Variants in RPS6KA3 observed in about 807,000 individuals in gnomAD.
The protein encoded by RPS6KA3 is ribosomal protein S6 kinase alpha-3.
A neutral mutation model predicts 67.2 loss-of-function variants in RPS6KA3; 4 were observed. The ratio of observed to expected loss-of-function variants is 0.06; its 90% CI spans 0.03 to 0.14. The LOEUF is 0.14. Among genes scored for constraint, RPS6KA3 ranks in the 10% least tolerant of loss-of-function variants. The pLI, the probability that RPS6KA3 is intolerant of heterozygous loss-of-function variation, is 1.00. For synonymous variants in RPS6KA3, 182 were observed against 183.7 expected, an observed-to-expected ratio of 0.99 and a Z score of 0.07; for missense variants, 204 against 559.0, an observed-to-expected ratio of 0.36 and a Z score of 6.40.
At chrX:20,155,913 A>G (rs1272622823) in intron 21 of RPS6KA3, among the ~76,000 whole-genome samples, 196 bp downstream of exon 21, 1 of 112,523 alleles carries the variant, frequency 8.9e-6, no homozygotes. Context: ...AGAGGAATTC[A>G]AAAGTCGCTC....
At chrX:20,173,941 T>C (rs1264733442) in intron 14 of RPS6KA3, among the ~76,000 whole-genome samples, 1 of 112,623 alleles carries the variant, frequency 8.9e-6, no homozygotes, top group East Asian at 2.8e-4. Flanking sequence ...AGATTTGAGT[T>C]CATTTTTATT....
chrX:20,221,762 G>T (rs1330006726), intron 2 of RPS6KA3, among the ~76,000 whole-genome samples: 1 of 112,101 alleles, frequency 8.9e-6, no homozygotes, highest in Non-Finnish European at 1.9e-5. Flanking sequence ...CCTATTGTTG[G>T]GTCTTTGCTC....
chrX:20,235,372 A>G (rs1169089339), intron 1 of RPS6KA3: 2 of 111,323 alleles, frequency 1.8e-5, no homozygotes, highest in Non-Finnish European at 3.8e-5. Flanking sequence ...TGAATCTATA[A>G]AAGTTTAAAA....
intron 1 of RPS6KA3, among the ~76,000 whole-genome samples, chrX:20,264,099 C>G (rs770452963): frequency 8.9e-6 from 1 of 112,189 alleles, no homozygotes; most frequent in South Asian, 3.6e-4. Context: ...TTCAATATTT[C>G]CAAATTGTAT....
chrX:20,153,285 C>G lies in RPS6KA3; in HGVS notation c.*2113G>C, dbSNP rs1340982316. ...CAGCTTTTAATAGCATCCATATATTCAAGAATTTGAAAATACTTTCTCTAT... is the reference window on the plus strand; with the variant it reads ...CAGCTTTTAATAGCATCCATATATTGAAGAATTTGAAAATACTTTCTCTAT... On this transcript the variant is annotated 3_prime_UTR_variant, in exon 22 of 22. Transcript: ENST00000379565. The G allele has an allele frequency of 8.9e-6, 1 of 111,965 alleles. No homozygotes were observed. The highest frequency in any genetic ancestry group is 3.2e-5 in the African/African-American group (1 of 30,826). 9.2% of individuals were successfully genotyped at this position (111,965 alleles called of 1,213,427 possible). A position where few individuals can be genotyped will look rare whatever the true frequency, so the allele number is the denominator to read the frequency against.
intron 2 of RPS6KA3, among the ~76,000 whole-genome samples, chrX:20,213,390 C>G (rs1443642357): frequency 1.9e-4 from 21 of 111,193 alleles, no homozygotes; most frequent in African/African-American, 5.2e-4. Flanking sequence ...ACATTATGCC[C>G]CTTCACTTCA....
intron 2 of RPS6KA3, among the ~76,000 whole-genome samples, chrX:20,233,505 G>A (rs984580810): frequency 9.0e-6 from 1 of 111,236 alleles, no homozygotes; most frequent in Non-Finnish European, 1.9e-5. Flanking sequence ...TTGGGAGGAT[G>A]AGGCAGGAGG....
At chrX:20,205,930 G>A (rs1041752541) in intron 3 of RPS6KA3, among the ~76,000 whole-genome samples, 1 of 112,279 alleles carries the variant, frequency 8.9e-6, no homozygotes, top group Non-Finnish European at 1.9e-5. Flanking sequence ...TGTCAATTTT[G>A]GGAGGCAGAC....
intron 2 of RPS6KA3, among the ~76,000 whole-genome samples, chrX:20,228,011 T>C (rs1366292946): frequency 8.9e-6 from 1 of 111,964 alleles, no homozygotes; most frequent in East Asian, 2.8e-4. Flanking sequence ...TTTTAGTTTG[T>C]AAATGTTCTA....
chrX:20,261,828 C>T (rs958889659), intron 1 of RPS6KA3, among the ~76,000 whole-genome samples: 1 of 111,916 alleles, frequency 8.9e-6, no homozygotes, highest in African/African-American at 3.2e-5. Flanking sequence ...CTGATATCTC[C>T]AGGTTAATGA....
At chrX:20,230,887 A>G (rs1461386378) in intron 2 of RPS6KA3, among the ~76,000 whole-genome samples, 1 of 112,122 alleles carries the variant, frequency 8.9e-6, no homozygotes, top group Non-Finnish European at 1.9e-5. Context: ...CACTTATGAC[A>G]TAACAAAGAC....
chrX:20,209,182 G>A, intron 3 of RPS6KA3, 106 bp downstream of exon 3: 1 of 540,689 alleles, frequency 1.8e-6, no homozygotes, highest in Middle Eastern at 5.3e-4. Flanking sequence ...AAACATTGCT[G>A]GTAGGAAGAC....
rs780459666 is a variant in RPS6KA3, at chrX:20,226,133, T to C, written c.126+8625A>G. 1.2e-4 allele frequency among the ~76,000 whole-genome samples: 13 copies of C among 111,697 alleles called. 2 individuals are homozygous for C. The East Asian group carries it at 3.7e-3, about 32-fold the overall frequency. Reference sequence around the variant, plus strand: ...GGAGGCGGAGGTTGCAGTGAGCCACTGCACTCCAGCCTGGGTGACAGAGTG... The same window carrying C: ...GGAGGCGGAGGTTGCAGTGAGCCACCGCACTCCAGCCTGGGTGACAGAGTG... On this transcript the variant is annotated intron_variant, in intron 2 of 21. Transcript: ENST00000379565.
At chrX:20,229,488 T>C (rs1201297264) in intron 2 of RPS6KA3, among the ~76,000 whole-genome samples, 1 of 111,707 alleles carries the variant, frequency 9.0e-6, no homozygotes, top group African/African-American at 3.3e-5. Flanking sequence ...AGAGAGCCTC[T>C]GAACCAAAAG....
chrX:20,191,424 T>G (rs2068124405), intron 7 of RPS6KA3, among the ~76,000 whole-genome samples: 1 of 111,810 alleles, frequency 8.9e-6, no homozygotes, highest in Non-Finnish European at 1.9e-5. Context: ...TTTCTGGTTC[T>G]AGATCCTTGA....
At chrX:20,247,765 C>T (rs1355470732) in intron 1 of RPS6KA3, among the ~76,000 whole-genome samples, 1 of 97,975 alleles carries the variant, frequency 1.0e-5, no homozygotes, top group East Asian at 3.1e-4. Context: ...CCAGCCTGGG[C>T]GACAGAGCGA....
rs1395470840 is a variant in RPS6KA3, at chrX:20,160,438, TA to T, written c.1959+1205del. On this transcript the variant is annotated intron_variant, in intron 20 of 21. Coordinates refer to ENST00000379565, the MANE Select transcript of RPS6KA3 (RefSeq NM_004586.3). The stretch of plus-strand genomic sequence containing the variant: ...TTCATTTTATTTATTTATTTTTATT[TA>T]TTTTTTTGAGACAGTCTTGCTCTGT... Among the ~76,000 whole-genome samples the T allele has an allele frequency of 4.5e-5, 5 of 111,979 alleles. 1 individual carries two copies. The highest frequency in any genetic ancestry group is 9.4e-5 in the Non-Finnish European group (5 of 53,218).
intron 2 of RPS6KA3, among the ~76,000 whole-genome samples, chrX:20,221,801 C>A (rs898457971): frequency 1.8e-5 from 2 of 112,647 alleles, no homozygotes; most frequent in African/African-American, 6.4e-5. Flanking sequence ...ATCCTTTGTA[C>A]ACATTCACAT....
chrX:20,158,715 G>A (rs2067242347), intron 20 of RPS6KA3, among the ~76,000 whole-genome samples: 1 of 111,744 alleles, frequency 8.9e-6, no homozygotes, highest in Non-Finnish European at 1.9e-5. Context: ...ATACGTTAAT[G>A]AGCTTTTGGT....
Sources: allele counts gnomAD v4.1 joint callset (sites outside exome capture counted in the v4.1 genomes callset), GRCh38; gene constraint gnomAD v4.1.1; transcripts MANE v1.5; gene names NCBI Gene and HGNC (gene_info 2026-07-23, HGNC 2026-07-21).